The following SMIM27 variants were observed in gnomAD, a reference collection of about 807,000 sequenced individuals.
SMIM27 encodes the protein transition zone microprotein 1.
In SMIM27, 3 loss-of-function variants were observed where a neutral mutation model predicts 1.8. The ratio of observed to expected loss-of-function variants is 1.65; its 90% CI spans 0.75 to 4.28. The LOEUF (loss-of-function observed/expected upper bound fraction) is 4.28, where lower values mean the gene tolerates loss of function less well. Among genes scored for constraint, SMIM27 ranks in the 30% most tolerant of loss-of-function variants. The probability of loss-of-function intolerance (pLI) is 0.02; values close to 1 mark genes in which losing one functional copy is unlikely to be tolerated. For synonymous variants in SMIM27, 19 were observed against 13.9 expected, an observed-to-expected ratio of 1.37 and a Z score of -0.82; for missense variants, 63 against 37.0, an observed-to-expected ratio of 1.70 and a Z score of -1.83.
chr9:32,566,615 A>G, exon 2 of SMIM27: 1 of 788,536 alleles, frequency 1.3e-6, no homozygotes, highest in Non-Finnish European at 2.3e-6. Context: ...ATTCCTCCTG[A>G]GCCTCTGCAC....
rs192831688 is a variant in SMIM27, at chr9:32,562,795, T to A, written c.46-3596T>A. ...TCTTCTCAATTGTCTCAATAATTGT[T>A]TGGACTTATCAGAAAATCCCCTTAC... On this transcript the variant is annotated intron_variant, in intron 1 of 1. Transcript: ENST00000451672. Among the ~76,000 whole-genome samples, 15 of 152,342 alleles carry A rather than the reference T, an allele frequency of 9.8e-5. No individual in the cohort carries two copies. The East Asian group carries it at 2.9e-3, about 29-fold the overall frequency.
At chr9:32,555,740 C>T (rs1821437860), downstream of SMIM27, among the ~76,000 whole-genome samples, 2 of 152,216 alleles carry the variant, frequency 1.3e-5, no homozygotes, top group African/African-American at 4.8e-5. Flanking sequence ...CTAAGGAGGG[C>T]ATGCTTCCCA....
At chr9:32,561,388 C>T (rs1263955775) in intron 1 of SMIM27, among the ~76,000 whole-genome samples, 1 of 151,726 alleles carries the variant, frequency 6.6e-6, no homozygotes, top group Non-Finnish European at 1.5e-5. Flanking sequence ...AGTGCGGTGG[C>T]CCAATCTCGA....
intron 1 of SMIM27, chr9:32,558,881 A>G (rs765794502): frequency 2.8e-6 from 4 of 1,446,180 alleles, no homozygotes; most frequent in East Asian, 4.6e-5. Flanking sequence ...ACAATAAACA[A>G]AAGAAAAATC....
intron 1 of SMIM27, among the ~76,000 whole-genome samples, chr9:32,559,228 G>C (rs539921458): frequency 6.6e-6 from 1 of 152,162 alleles, no homozygotes; most frequent in East Asian, 1.9e-4. Flanking sequence ...AGTTATGAAA[G>C]ACAGAAACCT....
chr9:32,555,176 T>A (rs536305239), downstream of SMIM27, among the ~76,000 whole-genome samples: 12 of 151,276 alleles, frequency 7.9e-5, no homozygotes, highest in Admixed American at 1.3e-4. Flanking sequence ...ACTTTGGGAG[T>A]CCAAGGCAGG....
intron 1 of SMIM27, among the ~76,000 whole-genome samples, chr9:32,562,453 C>A (rs183446481): frequency 2.0e-4 from 31 of 152,234 alleles, no homozygotes; most frequent in African/African-American, 7.5e-4. Flanking sequence ...GAAAACCCCC[C>A]AAAATTTTGG....
At chr9:32,560,675 A>C (rs1302325959) in intron 1 of SMIM27, among the ~76,000 whole-genome samples, 3 of 152,230 alleles carry the variant, frequency 2.0e-5, no homozygotes, top group Non-Finnish European at 4.4e-5. Flanking sequence ...TCGAAATAAA[A>C]TTGAACACAC....
downstream of SMIM27, among the ~76,000 whole-genome samples, chr9:32,555,324 C>G (rs139222439): frequency 1.3e-5 from 2 of 152,136 alleles, no homozygotes; most frequent in Non-Finnish European, 2.9e-5. Flanking sequence ...TAAGTTAACA[C>G]AAGAAATCTG....
Position 32,552,922 on chromosome 9 carries a change from A to G in SMIM27, c.167A>G (p.Ter56=). ...DKIFGTNENL[*] is the part of the protein sequence containing the mutation. ...ATCTTTGGGACGAATGAAAATTTGTAACTCTTCTGGATTTAATTATCTGAA... is the reference window on the plus strand; with the variant it reads ...ATCTTTGGGACGAATGAAAATTTGTGACTCTTCTGGATTTAATTATCTGAA... Residue 56 remains the stop codon, a stop_retained_variant, in exon 2 of 2, where the codon TAA becomes TGA. Coordinates refer to ENST00000692500, the MANE Select transcript of SMIM27 (RefSeq NM_001387564.1). 1 of 701,864 alleles carries G rather than the reference A, an allele frequency of 1.4e-6. No individual in the cohort carries two copies. 43.5% of individuals were successfully genotyped at this position (701,864 alleles called of 1,614,324 possible). A position where few individuals can be genotyped will look rare whatever the true frequency, so the allele number is the denominator to read the frequency against.
At chr9:32,551,738 A>G, upstream of SMIM27, 1 of 430,288 alleles carries the variant, frequency 2.3e-6, no homozygotes, top group Admixed American at 2.4e-5. Flanking sequence ...TTAGTATCTC[A>G]CGCGCGGCAG....
exon 2 of SMIM27, chr9:32,566,424 G>T (rs1452593084): frequency 1.5e-5 from 13 of 852,682 alleles, no homozygotes; most frequent in Non-Finnish European, 2.3e-5. Flanking sequence ...TGCTCTCCCT[G>T]TTACTGTAGG....
chr9:32,566,270 C>T, intron 1 of SMIM27: 2 of 1,134,888 alleles, frequency 1.8e-6, no homozygotes, highest in South Asian at 2.5e-5. Context: ...ATTTTAGGTT[C>T]TCTGAGGTAG....
At chr9:32,562,140 T>C (rs890825752) in intron 1 of SMIM27, among the ~76,000 whole-genome samples, 5 of 152,202 alleles carry the variant, frequency 3.3e-5, no homozygotes, top group Non-Finnish European at 7.4e-5. Flanking sequence ...GCCACGTTCA[T>C]TACTGACTCC....
upstream of SMIM27, chr9:32,551,232 C>T: frequency 1.7e-6 from 1 of 589,656 alleles, no homozygotes; most frequent in Non-Finnish European, 3.0e-6. Flanking sequence ...ACTGAATGTT[C>T]GCCCCTAACT....
At chr9:32,562,135 G>A (rs1055639518) in intron 1 of SMIM27, among the ~76,000 whole-genome samples, 3 of 152,118 alleles carry the variant, frequency 2.0e-5, no homozygotes, top group East Asian at 1.9e-4. Flanking sequence ...ATACGGCCAC[G>A]TTCATTACTG....
At chr9:32,558,346 C>T (rs1025214454) in intron 1 of SMIM27, among the ~76,000 whole-genome samples, 1 of 151,940 alleles carries the variant, frequency 6.6e-6, no homozygotes, top group African/African-American at 2.4e-5. Flanking sequence ...CTCCTGACCT[C>T]ACGATCCACC....
At chr9:32,566,191 T>A (rs1351017353) in intron 1 of SMIM27, 2 of 754,160 alleles carry the variant, frequency 2.7e-6, no homozygotes. Context: ...CAACCTTGTC[T>A]GGGGTTTGTA....
At chr9:32,562,833 C>T (rs1355776124) in intron 1 of SMIM27, among the ~76,000 whole-genome samples, 1 of 152,172 alleles carries the variant, frequency 6.6e-6, no homozygotes, top group Non-Finnish European at 1.5e-5. Context: ...GACATGTTCT[C>T]CATTGACTGT....
Sources: allele counts gnomAD v4.1 joint callset (sites outside exome capture counted in the v4.1 genomes callset), GRCh38; gene constraint gnomAD v4.1.1; transcripts MANE v1.5; gene names NCBI Gene and HGNC (gene_info 2026-07-23, HGNC 2026-07-21).